DGKG: variants seen among roughly 807,000 people sequenced by gnomAD.
DGKG encodes the protein DAG kinase gamma.
Under a neutral mutation model 105.3 loss-of-function variants are expected in DGKG, and 78 were observed. The ratio of observed to expected loss-of-function variants is 0.74; its 90% CI spans 0.62 to 0.89. DGKG has a LOEUF of 0.89. DGKG is among the 40% of genes least tolerant of loss of function. The probability of loss-of-function intolerance (pLI) is 0.00; values close to 1 mark genes in which losing one functional copy is unlikely to be tolerated. For missense variants in DGKG, 958 were observed against 1,020.1 expected, an observed-to-expected ratio of 0.94 and a Z score of 0.83; for synonymous variants, 346 against 367.1, an observed-to-expected ratio of 0.94 and a Z score of 0.66.
At chr3:186,279,697 T>C in intron 9 of DGKG, 154 bp downstream of exon 9, 1 of 718,034 alleles carries the variant, frequency 1.4e-6, no homozygotes, top group Non-Finnish European at 2.2e-6. Flanking sequence ...CACTAATGGA[T>C]ACAAAATAAT....
rs139323061 is a variant in DGKG at position 186,208,004 on chromosome 3, C to T, written c.1917+3791G>A. Among the ~76,000 whole-genome samples the T allele has an allele frequency of 5.3e-3, 800 of 152,254 alleles. 7 individuals carry two copies. Among genetic ancestry groups the T allele is most frequent in the African/African-American group, 0.017 (723 of 41,552 alleles). ...AAACAGCCACTAGCCTCAGAGAAAT[C>T]GCCTGTATATCGCCTGAATGGCTTT... On this transcript the variant is annotated intron_variant, in intron 21 of 24. Coordinates refer to ENST00000265022, the MANE Select transcript of DGKG (RefSeq NM_001346.3).
rs1004943186 is a variant in DGKG at position 186,149,028 on chromosome 3, G to A, written c.*1062C>T. ...TACACGCACACACACACACACACGC[G>A]CGCACACACGTTAAGACCATCAGAA... On this transcript the variant is annotated 3_prime_UTR_variant, in exon 25 of 25. Coordinates refer to ENST00000265022, the MANE Select transcript of DGKG (RefSeq NM_001346.3). 1.5e-4 allele frequency: 146 copies of A among 978,806 alleles called. No individual in the cohort carries two copies. The highest frequency in any genetic ancestry group is 2.5e-4 in the Admixed American group (4 of 15,796). 60.6% of individuals were successfully genotyped at this position (978,806 alleles called of 1,614,324 possible). A position where few individuals can be genotyped will look rare whatever the true frequency, so the allele number is the denominator to read the frequency against.
At chr3:186,336,361 T>C (rs1402480159) in intron 1 of DGKG, among the ~76,000 whole-genome samples, 1 of 152,168 alleles carries the variant, frequency 6.6e-6, no homozygotes, top group African/African-American at 2.4e-5. Flanking sequence ...AAAAGATCCA[T>C]GCATTCTTAA....
At chr3:186,305,681 G>A (rs1445891802) in intron 3 of DGKG, among the ~76,000 whole-genome samples, 2 of 152,186 alleles carry the variant, frequency 1.3e-5, no homozygotes, top group Non-Finnish European at 2.9e-5. Flanking sequence ...GCAAAATATG[G>A]TGATGACTCA....
chr3:186,200,657 A>C (rs1294493710), intron 21 of DGKG, among the ~76,000 whole-genome samples: 1 of 151,460 alleles, frequency 6.6e-6, no homozygotes. Context: ...TGCCATCCTG[A>C]CCCCCCACTT....
chr3:186,253,282 G>A (rs1721312921), intron 17 of DGKG, 100 bp from the exon 18 acceptor site: 6 of 923,382 alleles, frequency 6.5e-6, no homozygotes, highest in Non-Finnish European at 8.8e-6. Flanking sequence ...CCCCTCCATA[G>A]CATTCTTTGT....
intron 3 of DGKG, 146 bp downstream of exon 3, chr3:186,306,755 G>A (rs1052624351): frequency 6.4e-6 from 4 of 622,462 alleles, no homozygotes; most frequent in Non-Finnish European, 1.2e-5. Context: ...ATGCCAGGTA[G>A]CACAAATGGC....
chr3:186,152,334 C>T (rs957967207), intron 24 of DGKG, among the ~76,000 whole-genome samples: 1 of 152,094 alleles, frequency 6.6e-6, no homozygotes, highest in Non-Finnish European at 1.5e-5. Flanking sequence ...CCAGGACGCA[C>T]GGAAGCGAGG....
At chr3:186,181,900 A>G (rs1041974379) in intron 22 of DGKG, among the ~76,000 whole-genome samples, 2 of 152,238 alleles carry the variant, frequency 1.3e-5, no homozygotes, top group Non-Finnish European at 2.9e-5. Flanking sequence ...AAGGCTGGAT[A>G]GGAGCAGGCA....
At chr3:186,193,845 G>C (rs746155311) in intron 21 of DGKG, among the ~76,000 whole-genome samples, 1 of 152,250 alleles carries the variant, frequency 6.6e-6, no homozygotes, top group Admixed American at 6.5e-5. Context: ...GTCCCCGCGC[G>C]CACCGTGGGC....
intron 1 of DGKG, among the ~76,000 whole-genome samples, chr3:186,349,338 T>A (rs1185361621): frequency 6.6e-6 from 1 of 152,248 alleles, no homozygotes; most frequent in Non-Finnish European, 1.5e-5. Context: ...GAATTCATGC[T>A]CATCTTTAGC....
At chr3:186,315,796 C>T (rs1724790648) in intron 2 of DGKG, among the ~76,000 whole-genome samples, 1 of 152,204 alleles carries the variant, frequency 6.6e-6, no homozygotes, top group Non-Finnish European at 1.5e-5. Flanking sequence ...CTTTCCCTCC[C>T]TATGTGAGTC....
intron 22 of DGKG, among the ~76,000 whole-genome samples, chr3:186,172,228 C>T (rs997844495): frequency 1.3e-4 from 20 of 152,284 alleles, no homozygotes; most frequent in African/African-American, 4.3e-4. Context: ...GATTTGGACT[C>T]GCCTTTTGCA....
intron 5 of DGKG, among the ~76,000 whole-genome samples, chr3:186,291,514 A>G (rs971937399): frequency 3.3e-5 from 5 of 152,212 alleles, no homozygotes; most frequent in Admixed American, 3.3e-4. Flanking sequence ...AGGTTAACAG[A>G]CGAACAAATT....
rs552439996 is a variant in DGKG, at chr3:186,267,860, G to T, written c.1117-83C>A. The T allele has an allele frequency of 4.6e-6, 6 of 1,317,060 alleles. No homozygotes were observed. In the South Asian group the frequency reaches 7.2e-5, roughly 16 times the overall value. The allele number at this position is 1,317,060 out of a possible 1,614,324, so 81.6% of individuals were successfully genotyped here. On this transcript the variant is annotated intron_variant, in intron 12 of 24. Coordinates refer to ENST00000265022, the MANE Select transcript of DGKG (RefSeq NM_001346.3). ...GAAGGTGGAGAGGTTTGGGGGAGAG[G>T]TGAGCTGTCTAGTGCTCCCCCAAAT...
At chr3:186,264,126 A>G (rs1022185631) in intron 14 of DGKG, among the ~76,000 whole-genome samples, 5 of 152,160 alleles carry the variant, frequency 3.3e-5, no homozygotes, top group Non-Finnish European at 7.4e-5. Flanking sequence ...TGCCTGCCCT[A>G]AACAACTGGC....
chr3:186,184,944 G>A (rs925944315), intron 22 of DGKG, among the ~76,000 whole-genome samples: 1 of 152,150 alleles, frequency 6.6e-6, no homozygotes, highest in Middle Eastern at 3.2e-3. Context: ...ATATAATTCT[G>A]TCCAAGAAAG....
At chr3:186,162,381 C>T (rs886224946) in intron 23 of DGKG, among the ~76,000 whole-genome samples, 2 of 152,220 alleles carry the variant, frequency 1.3e-5, no homozygotes, top group Non-Finnish European at 2.9e-5. Flanking sequence ...GCCCAGAGTA[C>T]GTGCCAAAAA....
At chr3:186,169,203 A>G (rs1451152510) in intron 22 of DGKG, among the ~76,000 whole-genome samples, 3 of 152,236 alleles carry the variant, frequency 2.0e-5, no homozygotes, top group Admixed American at 6.5e-5. Context: ...TTTCAATAAC[A>G]TTAAATATTG....
Sources: gnomAD v4.1 joint callset for allele counts (sites outside exome capture counted in the v4.1 genomes callset) on GRCh38, gnomAD v4.1.1 for gene constraint, MANE v1.5 for transcripts, NCBI Gene and HGNC (gene_info 2026-07-23, HGNC 2026-07-21) for gene names.